Variants in PPP1R1C observed in about 807,000 individuals in gnomAD.
The protein encoded by PPP1R1C is protein phosphatase 1 regulatory subunit 1C.
In PPP1R1C, 15 loss-of-function variants were observed where a neutral mutation model predicts 17.4. The observed-to-expected ratio is 0.86, with a 90% CI of 0.58 to 1.33. PPP1R1C has a LOEUF of 1.33. Ranked by LOEUF, PPP1R1C falls within the 40% of genes most tolerant of loss-of-function variation. The probability of loss-of-function intolerance (pLI) is 0.00; values close to 1 mark genes in which losing one functional copy is unlikely to be tolerated. For synonymous variants in PPP1R1C, 35 were observed against 43.1 expected (o/e 0.81, Z 0.73); for missense variants, 143 against 130.0 (o/e 1.10, Z -0.48).
Position 182,092,241 on chromosome 2 carries a change from T to A in PPP1R1C, c.242-24966T>A, listed in dbSNP as rs370853615. Among the ~76,000 whole-genome samples the A allele has an allele frequency of 7.2e-5, 11 of 152,306 alleles. No individual in the cohort carries two copies. In the East Asian group the frequency reaches 1.7e-3, roughly 24 times the overall value. Reference sequence around the variant, plus strand: ...TAGCAGCAGACAGAAAGAGAACTTGTGCAGAGAAACTCCCATTTTTAAAAC... The same window carrying A: ...TAGCAGCAGACAGAAAGAGAACTTGAGCAGAGAAACTCCCATTTTTAAAAC... On this transcript the variant is annotated intron_variant, in intron 4 of 4. Transcript: ENST00000682840.
rs985134303 is a variant in PPP1R1C at position 181,967,273 on chromosome 2, T to A, written n.112-7946T>A. Among the ~76,000 whole-genome samples the A allele has an allele frequency of 2.0e-5, 3 of 152,144 alleles. No homozygotes were observed. The highest frequency in any genetic ancestry group is 2.9e-5 in the Non-Finnish European group (2 of 68,004). ...AATTTTCCCTTTATTAATCTCATAT[T>A]TTTTGGTTTCAATTTCATTTATTTC... On this transcript the variant is annotated intron_variant and non_coding_transcript_variant, in intron 1 of 5. Transcript: ENST00000464264. The surrounding 1 kb of genome is among the most constrained non-coding windows in gnomAD (Gnocchi z 5.5).
chr2:181,987,313 C>A (rs2125139680), intron 1 of PPP1R1C, among the ~76,000 whole-genome samples: 1 of 151,084 alleles, frequency 6.6e-6, no homozygotes, highest in East Asian at 1.9e-4. Context: ...CTCATAAGAT[C>A]CATATTTATT....
chr2:182,075,500 G>A (rs1025114802), intron 4 of PPP1R1C, among the ~76,000 whole-genome samples: 3 of 152,180 alleles, frequency 2.0e-5, no homozygotes, highest in Non-Finnish European at 4.4e-5. Context: ...AAAGGAAGTA[G>A]GAAGTAGAAG....
chr2:182,069,574 A>G (rs1172065554), intron 4 of PPP1R1C, among the ~76,000 whole-genome samples: 1 of 152,144 alleles, frequency 6.6e-6, no homozygotes, highest in Non-Finnish European at 1.5e-5. Flanking sequence ...GGTTTAAAAG[A>G]CCTTGAGATA....
At position 182,062,772 on chromosome 2, in the gene PPP1R1C, G is replaced by C. The variant is rs140839887; in HGVS notation, c.181-959G>C. ...TTACAACTTTGTAAAACAGTTTCTA[G>C]TTTAAACTTTGTACATTATGTTCTT... On this transcript the variant is annotated intron_variant, in intron 3 of 4. Transcript: ENST00000682840. Among the ~76,000 whole-genome samples, 3 of 152,206 alleles carry C rather than the reference G, an allele frequency of 2.0e-5. No homozygotes were observed. In the East Asian group the frequency reaches 5.8e-4, roughly 29 times the overall value.
At chr2:181,997,440 A>G (rs1457593020) in intron 2 of PPP1R1C, among the ~76,000 whole-genome samples, 1 of 151,642 alleles carries the variant, frequency 6.6e-6, no homozygotes, top group Non-Finnish European at 1.5e-5. Context: ...AAAAGCTTTG[A>G]AAATTCAGGT....
intron 2 of PPP1R1C, among the ~76,000 whole-genome samples, chr2:182,014,950 G>A (rs1686213804): frequency 6.6e-6 from 1 of 151,730 alleles, no homozygotes; most frequent in Non-Finnish European, 1.5e-5. Context: ...GGCAGTGTGG[G>A]CTCCCATCTT....
intron 5 of PPP1R1C, among the ~76,000 whole-genome samples, chr2:182,124,339 G>GTTTTTTTTTTTTT (rs1378403544): frequency 2.1e-4 from 11 of 52,156 alleles, no homozygotes; most frequent in East Asian, 5.5e-4. Flanking sequence ...TTTTTTTTTT[G>GTTTTTTTTTTTTT]TTTTTTTTTT....
In PPP1R1C at chr2:182,128,044, G is replaced by A. The variant is rs189413515; in HGVS notation, c.*7-930G>A. 1.4e-3 allele frequency among the ~76,000 whole-genome samples: 206 copies of A among 152,054 alleles called. 1 individual carries two copies. The highest frequency in any genetic ancestry group is 2.0e-3 in the Non-Finnish European group (135 of 67,918). ...AGGATTATTTGGTGAAGTTTTAAAA[G>A]GTATCCTTTACAAACACAAGACCAA... On this transcript the variant is annotated intron_variant, in intron 5 of 5. Transcript: ENST00000280295.
At chr2:182,113,666 T>C (rs1689502786) in intron 4 of PPP1R1C, among the ~76,000 whole-genome samples, 1 of 150,518 alleles carries the variant, frequency 6.6e-6, no homozygotes, top group Non-Finnish European at 1.5e-5. Flanking sequence ...GCCCTTATAC[T>C]CTTTTTTTTT....
At chr2:182,069,517 G>C (rs1459279950) in intron 4 of PPP1R1C, among the ~76,000 whole-genome samples, 7 of 151,996 alleles carry the variant, frequency 4.6e-5, no homozygotes, top group African/African-American at 1.7e-4. Flanking sequence ...AGCAAGTATG[G>C]GTGAACTTCA....
intron 4 of PPP1R1C, among the ~76,000 whole-genome samples, chr2:182,113,143 A>G (rs1490989409): frequency 6.6e-6 from 1 of 152,198 alleles, no homozygotes; most frequent in Non-Finnish European, 1.5e-5. Context: ...TGACTTGAAC[A>G]TGTACAGTGA....
intron 2 of PPP1R1C, among the ~76,000 whole-genome samples, chr2:182,027,129 C>A (rs1317441256): frequency 6.9e-6 from 1 of 144,566 alleles, no homozygotes; most frequent in East Asian, 2.0e-4. Flanking sequence ...ATGGGGTTTT[C>A]TAGATATACA....
At chr2:182,071,371 T>C (rs1688135171) in intron 4 of PPP1R1C, among the ~76,000 whole-genome samples, 1 of 152,170 alleles carries the variant, frequency 6.6e-6, no homozygotes, top group South Asian at 2.1e-4. Flanking sequence ...CAGGATTATA[T>C]TGAGGTAGTG....
chr2:182,033,777 T>C (rs1456100754), intron 2 of PPP1R1C, among the ~76,000 whole-genome samples: 1 of 152,206 alleles, frequency 6.6e-6, no homozygotes, highest in Non-Finnish European at 1.5e-5. Flanking sequence ...GCAGAAAAAG[T>C]TCCAAGCTCA....
intron 2 of PPP1R1C, among the ~76,000 whole-genome samples, chr2:181,994,251 C>T (rs1251583665): frequency 6.6e-6 from 1 of 151,588 alleles, no homozygotes; most frequent in Non-Finnish European, 1.5e-5. Context: ...ATATTTGTGG[C>T]CAATTTGTGT....
At chr2:182,063,883 C>A in intron 4 of PPP1R1C, 92 bp downstream of exon 4, 1 of 917,978 alleles carries the variant, frequency 1.1e-6, no homozygotes, top group Non-Finnish European at 1.8e-6. Context: ...TGATGATAAG[C>A]TAGATCTAGT....
intron 4 of PPP1R1C, among the ~76,000 whole-genome samples, chr2:182,084,502 A>C (rs1574438771): frequency 6.6e-6 from 1 of 152,232 alleles, no homozygotes; most frequent in Non-Finnish European, 1.5e-5. Context: ...CAGTTTTCTC[A>C]GCGCCATTTA....
chr2:182,101,939 C>T (rs1689109132), intron 4 of PPP1R1C, among the ~76,000 whole-genome samples: 1 of 152,034 alleles, frequency 6.6e-6, no homozygotes, highest in African/African-American at 2.4e-5. Context: ...ATGAAGGCCT[C>T]CCTAGTAAAG....
Sources: allele counts gnomAD v4.1 joint callset (sites outside exome capture counted in the v4.1 genomes callset), GRCh38; gene constraint gnomAD v4.1.1; non-coding constraint Gnocchi (gnomAD v3.1); transcripts MANE v1.5; gene names NCBI Gene and HGNC (gene_info 2026-07-23, HGNC 2026-07-21).